ZNF473: variants seen among roughly 807,000 people sequenced by gnomAD.
The protein encoded by ZNF473 is zinc finger protein 100 homolog.
ZNF473 carries 4 observed loss-of-function variants against 11.1 expected under a neutral mutation model. That is an observed-to-expected ratio of 0.36 (90% CI 0.18 to 0.82). The LOEUF is 0.82. Among genes scored for constraint, ZNF473 ranks in the 40% least tolerant of loss-of-function variants. The pLI, the probability that ZNF473 is intolerant of heterozygous loss-of-function variation, is 0.49. For missense variants in ZNF473, 854 were observed against 1,084.0 expected (o/e 0.79, Z 2.98); for synonymous variants, 404 against 390.4 (o/e 1.03, Z -0.41).
intron 4 of ZNF473, 31 bp from the exon 5 acceptor site, chr19:50,044,639 G>T: frequency 1.3e-6 from 2 of 1,550,486 alleles, no homozygotes; most frequent in South Asian, 2.4e-5. Context: ...CACCCTTAGT[G>T]AACAGGAGAC....
In ZNF473 at chr19:50,046,068, A is replaced by G. The variant is rs894076186; in HGVS notation, c.1625A>G (p.Gln542Arg). Residue 542 changes from glutamine (Q) to arginine (R), a missense_variant, in exon 5 of 5, where the codon CAA (glutamine) becomes CGA (arginine). Physicochemically the swap from Gln to Arg is conservative, Grantham distance 43 (BLOSUM62 1). Around this residue, in one of 2 missense-constraint regions of ZNF473, gnomAD observed 668 missense variants for 790.2 expected, o/e 0.85. Coordinates refer to ENST00000270617, the MANE Select transcript of ZNF473 (RefSeq NM_015428.4). This position sits in a 1 kb window ranked among gnomAD's most constrained non-coding sequence, Gnocchi z 5.9. Reference sequence around the variant, plus strand: ...GAGAGTGTTCACGCCAGAGAAAAACAAGGATTTTTTGTGAGTGGGAAGATC... The same window carrying G: ...GAGAGTGTTCACGCCAGAGAAAAACGAGGATTTTTTGTGAGTGGGAAGATC... ...CHESVHAREK[Q>R]GFFVSGKILD... is the part of the protein sequence containing the mutation. The G allele has an allele frequency of 9.3e-6, 15 of 1,614,090 alleles. No individual in the cohort carries two copies. Among genetic ancestry groups the G allele is most frequent in the Non-Finnish European group, 1.3e-5 (15 of 1,180,056 alleles).
At chr19:50,036,374 C>T (rs551459344) in intron 2 of ZNF473, among the ~76,000 whole-genome samples, 35 of 128,948 alleles carry the variant, frequency 2.7e-4, no homozygotes, top group Admixed American at 7.8e-4. Flanking sequence ...AGTGCAGTGG[C>T]GCAATCCTGG....
Position 50,030,932 on chromosome 19 carries a change from T to G in ZNF473, c.-151T>G. The G allele has an allele frequency of 8.9e-7, 1 of 1,119,282 alleles. No homozygotes were observed. Among genetic ancestry groups the G allele is most frequent in the Non-Finnish European group, 1.3e-6 (1 of 761,490 alleles). 69.3% of individuals were successfully genotyped at this position (1,119,282 alleles called of 1,614,324 possible). On this transcript the variant is annotated 5_prime_UTR_variant, in exon 2 of 5. In the 5' UTR this introduces an upstream ATG that the reference lacks. Transcript: ENST00000270617. The stretch of plus-strand genomic sequence containing the variant: ...GACTTGTCCTCCTCCTCCTGGACAT[T>G]TTGGGGGCTCGTCAGCATGGACAGC...
chr19:50,045,147 A>G lies in ZNF473; in HGVS notation c.704A>G (p.Lys235Arg), dbSNP rs1979003303. Reference protein sequence around the residue: ...TQHWITHTREKPTVHQECEQG... With the variant: ...TQHWITHTRERPTVHQECEQG... ...CACTGGATCACTCATACTAGGGAGA[A>G]ACCCACTGTCCATCAAGAGTGTGAG... Residue 235 changes from lysine to arginine, a missense_variant, in exon 5 of 5, where the codon AAA becomes AGA. Coordinates refer to ENST00000270617, the MANE Select transcript of ZNF473 (RefSeq NM_015428.4). 2 of 1,614,216 alleles carry G rather than the reference A, an allele frequency of 1.2e-6. No individual in the cohort carries two copies.
chr19:50,029,230 C>T (rs1270980723), intron 1 of ZNF473, among the ~76,000 whole-genome samples: 1 of 152,210 alleles, frequency 6.6e-6, no homozygotes, highest in African/African-American at 2.4e-5. Flanking sequence ...GCAAGCTCCA[C>T]CTCCCGGGTT....
intron 2 of ZNF473, among the ~76,000 whole-genome samples, chr19:50,036,253 C>T (rs1978429060): frequency 6.6e-6 from 1 of 151,922 alleles, no homozygotes; most frequent in South Asian, 2.1e-4. Context: ...AGCCACCATG[C>T]CCCACCAATC....
At position 50,045,163 on chromosome 19, in the gene ZNF473, A is replaced by G. The variant is rs746278775; in HGVS notation, c.720A>G (p.Gln240=). Residue 240 remains glutamine (Q), a synonymous_variant, in exon 5 of 5, where the codon CAA becomes CAG. Transcript: ENST00000270617. ...CTAGGGAGAAACCCACTGTCCATCA[A>G]GAGTGTGAGCAAGGTTTTGACCGGA... is the stretch of plus-strand genomic sequence containing the variant. ...THTREKPTVH[Q]ECEQGFDRNA... is the part of the protein sequence containing the mutation. 2.0e-5 allele frequency: 33 copies of G among 1,614,098 alleles called. No homozygotes were observed. The highest frequency in any genetic ancestry group is 2.5e-5 in the Non-Finnish European group (30 of 1,180,050).
At chr19:50,035,500 C>G (rs966601370) in intron 2 of ZNF473, among the ~76,000 whole-genome samples, 1 of 107,056 alleles carries the variant, frequency 9.3e-6, no homozygotes, top group Non-Finnish European at 1.9e-5. Context: ...TTTGGCTGTT[C>G]TTAAGAGTTT....
Position 50,039,429 on chromosome 19 carries a change from A to AGGAGACATTGGCAATGTGT in ZNF473, c.136+152_136+170dup, listed in dbSNP as rs1978652084. ...TAGCCCAGCAGTTCTCAGCTGGCCG[A>AGGAGACATTGGCAATGTGT]GGAGACATTGGCAATGTGTGGAGAC... On this transcript the variant is annotated intron_variant, in intron 3 of 4. Transcript: ENST00000270617. This position sits in a 1 kb window ranked among gnomAD's most constrained non-coding sequence, Gnocchi z 4.8. 6.9e-6 allele frequency: 8 copies of AGGAGACATTGGCAATGTGT among 1,157,726 alleles called. No homozygotes were observed. The highest frequency in any genetic ancestry group is 2.7e-5 in the Admixed American group (1 of 37,138). The allele number at this position is 1,157,726 out of a possible 1,614,324, so 71.7% of individuals were successfully genotyped here. A position where few individuals can be genotyped will look rare whatever the true frequency, so the allele number is the denominator to read the frequency against.
At chr19:50,041,900 G>C in intron 4 of ZNF473, 81 bp downstream of exon 4, 1 of 1,142,502 alleles carries the variant, frequency 8.8e-7, no homozygotes. Flanking sequence ...CTTTCCCACA[G>C]GTCTACCGAG....
At chr19:50,027,108 A>C (rs1056855854) in intron 1 of ZNF473, among the ~76,000 whole-genome samples, 2 of 152,098 alleles carry the variant, frequency 1.3e-5, no homozygotes, top group Non-Finnish European at 2.9e-5. Context: ...CAATCTCGGG[A>C]ATCAGAATTT....
At chr19:50,037,352 A>G (rs1031228097) in intron 2 of ZNF473, among the ~76,000 whole-genome samples, 2 of 152,138 alleles carry the variant, frequency 1.3e-5, no homozygotes, top group African/African-American at 4.8e-5. Flanking sequence ...CATACCTCAG[A>G]CCCAAACTAA....
chr19:50,046,376 C>G lies in ZNF473; in HGVS notation c.1933C>G (p.Pro645Ala), dbSNP rs146086803. The G allele has an allele frequency of 1.8e-3, 2,976 of 1,614,180 alleles. 2 individuals carry two copies. The highest frequency in any genetic ancestry group is 2.6e-3 in the Admixed American group (155 of 60,020). ...KLQSFHTKEH[P>A]FKCNECGKTF... ...TCAGTCCTTCCACACAAAGGAGCAC[C>G]CTTTTAAATGTAACGAATGCGGAAA... The change falls in exon 5 of 5, where the codon CCT (proline) becomes GCT (alanine). Residue 645 changes from proline to alanine, a missense_variant. By Grantham distance (27) the Pro-to-Ala change is conservative. Coordinates refer to ENST00000270617, the MANE Select transcript of ZNF473 (RefSeq NM_015428.4). The surrounding 1 kb of genome is among the most constrained non-coding windows in gnomAD (Gnocchi z 5.9).
Position 50,044,894 on chromosome 19 carries a change from G to T in ZNF473, c.451G>T (p.Glu151Ter). 1 of 1,614,210 alleles carries T rather than the reference G, an allele frequency of 6.2e-7. No homozygotes were observed. Among genetic ancestry groups the T allele is most frequent in the Non-Finnish European group, 8.5e-7 (1 of 1,180,042 alleles). ...AAGTCCCACGGAATGCAAGAGTCAT[G>T]AATTAAAGAGAGGACTCAGTCCTGT... ...GESPTECKSH[E>*]LKRGLSPVST... is the part of the protein sequence containing the mutation. The change falls in exon 5 of 5, where the codon GAA becomes TAA. Residue 151 changes from glutamate to a stop codon, truncating the protein, a stop_gained. Transcript: ENST00000270617. LOFTEE classifies it low-confidence loss of function (END_TRUNC).
rs76128611 is a variant in ZNF473 at position 50,045,210 on chromosome 19, C to G, written c.767C>G (p.Pro256Arg). 6.2e-7 allele frequency: 1 copy of G among 1,614,086 alleles called. No homozygotes were observed. Among genetic ancestry groups the G allele is most frequent in the Non-Finnish European group, 8.5e-7 (1 of 1,180,020 alleles). Reference protein sequence around the residue: ...FDRNASLSVYPKTHTGYKFYV... With the variant: ...FDRNASLSVYRKTHTGYKFYV... ...CGGAATGCTTCCCTTTCTGTGTATCCGAAAACTCACACGGGCTACAAATTC... is the reference window on the plus strand; with the variant it reads ...CGGAATGCTTCCCTTTCTGTGTATCGGAAAACTCACACGGGCTACAAATTC... The change falls in exon 5 of 5, where the codon CCG becomes CGG. Residue 256 changes from proline (P) to arginine (R), a missense_variant. Physicochemically the swap from Pro to Arg is moderately radical, Grantham distance 103. Transcript: ENST00000270617.
intron 1 of ZNF473, among the ~76,000 whole-genome samples, chr19:50,029,672 A>G (rs1309320422): frequency 6.6e-6 from 1 of 152,206 alleles, no homozygotes; most frequent in Non-Finnish European, 1.5e-5. Flanking sequence ...TGTCTGTGGT[A>G]CAGTTTTGCG....
intron 1 of ZNF473, 108 bp downstream of exon 1, chr19:50,026,230 G>A (rs2077273435): frequency 6.5e-6 from 1 of 152,730 alleles, no homozygotes. Context: ...TTGGGCGGCG[G>A]TTGTCAGGGT....
At position 50,045,993 on chromosome 19, in the gene ZNF473, G is replaced by T; in HGVS notation, c.1550G>T (p.Cys517Phe). 6.2e-7 allele frequency: 1 copy of T among 1,614,212 alleles called. No homozygotes were observed. The highest frequency in any genetic ancestry group is 8.5e-7 in the Non-Finnish European group (1 of 1,180,036). Residue 517 changes from cysteine (C) to phenylalanine (F), a missense_variant, in exon 5 of 5, where the codon TGT becomes TTT. This residue lies in a region of ZNF473 where 668 missense variants were observed against 790.2 expected (regional missense o/e 0.85). Transcript: ENST00000270617. ...KMHTVKTPYE[C>F]QECGERFICG... Reference sequence around the variant, plus strand: ...CACACTGTCAAAACCCCATATGAATGTCAGGAGTGCGGAGAACGCTTCATT... The same window carrying T: ...CACACTGTCAAAACCCCATATGAATTTCAGGAGTGCGGAGAACGCTTCATT...
chr19:50,044,490 A>C (rs945349287), intron 4 of ZNF473, 180 bp from the exon 5 acceptor site: 1 of 577,350 alleles, frequency 1.7e-6, no homozygotes, highest in Non-Finnish European at 3.1e-6. Context: ...TGGTTTCCCA[A>C]CTCCCTTCTT....
Sources: gnomAD v4.1 joint callset for allele counts (sites outside exome capture counted in the v4.1 genomes callset) on GRCh38, gnomAD v4.1.1 for gene constraint, gnomAD v4.1.1 regional missense constraint, Gnocchi (gnomAD v3.1) non-coding constraint, MANE v1.5 for transcripts, NCBI Gene and HGNC (gene_info 2026-07-23, HGNC 2026-07-21) for gene names.